CAMTA1: variants seen among roughly 807,000 people sequenced by gnomAD.
CAMTA1 encodes calmodulin-binding transcription activator 1.
A neutral mutation model predicts 170.9 loss-of-function variants in CAMTA1; 27 were observed. The ratio of observed to expected loss-of-function variants is 0.16; its 90% CI spans 0.12 to 0.22. The LOEUF is 0.22. CAMTA1 is among the 10% of genes least tolerant of loss of function. The pLI, the probability that CAMTA1 is intolerant of heterozygous loss-of-function variation, is 1.00. For missense variants in CAMTA1, 1,619 were observed against 2,217.2 expected (o/e 0.73, Z 5.42); for synonymous variants, 833 against 891.5 (o/e 0.93, Z 1.17).
At chr1:7,128,714 G>T (rs1003517504) in intron 4 of CAMTA1, among the ~76,000 whole-genome samples, 4 of 151,800 alleles carry the variant, frequency 2.6e-5, no homozygotes, top group African/African-American at 9.7e-5. Context: ...GAGTGCAGTG[G>T]CACGATCTCA....
chr1:6,928,055 TCTC>T (rs1407930803), intron 3 of CAMTA1, among the ~76,000 whole-genome samples: 2 of 152,074 alleles, frequency 1.3e-5, no homozygotes, highest in Non-Finnish European at 2.9e-5. Flanking sequence ...TGCATCCTGT[TCTC>T]CTCCTGCCTG....
intron 4 of CAMTA1, among the ~76,000 whole-genome samples, chr1:7,103,272 A>G (rs921257672): frequency 1.3e-5 from 2 of 151,996 alleles, no homozygotes; most frequent in East Asian, 1.9e-4. Context: ...TCACATGCCA[A>G]TGTAGATTCC....
intron 11 of CAMTA1, among the ~76,000 whole-genome samples, chr1:7,691,776 A>G (rs924009395): frequency 1.3e-5 from 2 of 152,156 alleles, no homozygotes; most frequent in Admixed American, 1.3e-4. Flanking sequence ...GAAGTCTGAA[A>G]TGTCTGCGTG....
intron 11 of CAMTA1, chr1:7,700,565 C>T (rs2096428588): frequency 6.6e-6 from 1 of 152,168 alleles, no homozygotes. Flanking sequence ...ACTACAATTG[C>T]TAGGGAGGGC....
intron 5 of CAMTA1, among the ~76,000 whole-genome samples, chr1:7,332,534 C>T (rs2301462): frequency 0.51 from 77,220 of 152,096 alleles, 21,429 homozygotes; most frequent in African/African-American, 0.74. Flanking sequence ...TGTCTATTCA[C>T]GGGACTGTAT....
At chr1:7,111,888 A>G in intron 4 of CAMTA1, among the ~76,000 whole-genome samples, 1 of 133,276 alleles carries the variant, frequency 7.5e-6, no homozygotes, top group Non-Finnish European at 1.6e-5. Context: ...CCATCTCCAA[A>G]AAAAAAAAAA....
intron 6 of CAMTA1, among the ~76,000 whole-genome samples, chr1:7,564,193 C>T (rs1233404153): frequency 6.6e-6 from 1 of 152,224 alleles, no homozygotes; most frequent in East Asian, 1.9e-4. Flanking sequence ...CCCAGACCCT[C>T]TATTTCCGGC....
At chr1:7,512,777 A>T (rs926000743) in intron 6 of CAMTA1, among the ~76,000 whole-genome samples, 3 of 152,230 alleles carry the variant, frequency 2.0e-5, no homozygotes, top group African/African-American at 7.2e-5. Flanking sequence ...CAGCAGGACA[A>T]GCCCCTGAGA....
chr1:7,158,625 A>G (rs1339335412), intron 4 of CAMTA1, among the ~76,000 whole-genome samples: 1 of 152,214 alleles, frequency 6.6e-6, no homozygotes, highest in Non-Finnish European at 1.5e-5. Flanking sequence ...TGGATCGATG[A>G]ATGCACAAAA....
At chr1:7,343,831 C>T (rs1470651625) in intron 5 of CAMTA1, among the ~76,000 whole-genome samples, 1 of 152,148 alleles carries the variant, frequency 6.6e-6, no homozygotes, top group Non-Finnish European at 1.5e-5. Context: ...TGAAATTTAA[C>T]ATTGTGTCTC....
At chr1:6,920,396 C>A (rs1056581582) in intron 3 of CAMTA1, among the ~76,000 whole-genome samples, 2 of 152,206 alleles carry the variant, frequency 1.3e-5, no homozygotes, top group African/African-American at 4.8e-5. Context: ...TTGTAGGGTA[C>A]AGCCTCCCTC....
intron 3 of CAMTA1, among the ~76,000 whole-genome samples, chr1:7,019,588 G>A (rs2100925161): frequency 6.6e-6 from 1 of 152,322 alleles, no homozygotes; most frequent in African/African-American, 2.4e-5. Context: ...GTGGTTCACT[G>A]CCAGAAATGC....
rs1313677048 is a variant in CAMTA1 at position 7,635,133 on chromosome 1, G to A, written c.511-5267G>A. 6.6e-6 allele frequency among the ~76,000 whole-genome samples: 1 copy of A among 152,166 alleles called. No individual in the cohort carries two copies. Among genetic ancestry groups the A allele is most frequent in the African/African-American group, 2.4e-5 (1 of 41,432 alleles). On this transcript the variant is annotated intron_variant, in intron 6 of 22. Coordinates refer to ENST00000303635, the MANE Select transcript of CAMTA1 (RefSeq NM_015215.4). The surrounding 1 kb of genome is among the most constrained non-coding windows in gnomAD (Gnocchi z 4.4). ...GCAAGGGCTCATCTCCAAAGGTCAC[G>A]ATCACTTTGGGGGGTGACCCCTAGC...
At chr1:6,888,633 C>G (rs918797680) in intron 3 of CAMTA1, among the ~76,000 whole-genome samples, 1 of 152,122 alleles carries the variant, frequency 6.6e-6, no homozygotes, top group African/African-American at 2.4e-5. Context: ...TTTTCTAGAT[C>G]AAGTAGGCAT....
chr1:7,709,603 G>A (rs2096553714), intron 11 of CAMTA1, among the ~76,000 whole-genome samples: 1 of 152,234 alleles, frequency 6.6e-6, no homozygotes, highest in Non-Finnish European at 1.5e-5. Context: ...TGTAAAATAG[G>A]CCTGACACCT....
At chr1:6,802,740 C>CT (rs575213311) in intron 1 of CAMTA1, among the ~76,000 whole-genome samples, 5,840 of 145,402 alleles carry the variant, frequency 0.04, 141 homozygotes, top group African/African-American at 0.067. Context: ...CTCTCTCTCT[C>CT]TTTTTTTTTT....
intron 17 of CAMTA1, 36 bp downstream of exon 17, chr1:7,745,058 A>T (rs2096847334): frequency 6.4e-7 from 1 of 1,558,128 alleles, no homozygotes; most frequent in East Asian, 2.3e-5. Flanking sequence ...CCCAGCATAG[A>T]TTCCCGGATG....
chr1:7,220,840 T>G (rs1660622096), intron 4 of CAMTA1, among the ~76,000 whole-genome samples: 1 of 152,202 alleles, frequency 6.6e-6, no homozygotes, highest in Non-Finnish European at 1.5e-5. Context: ...CACGAGTGCC[T>G]GGACATGGAG....
intron 5 of CAMTA1, among the ~76,000 whole-genome samples, chr1:7,348,717 G>A (rs1193372351): frequency 6.6e-6 from 1 of 152,176 alleles, no homozygotes; most frequent in South Asian, 2.1e-4. Flanking sequence ...GGGGGTGTTC[G>A]GCTTCAATCC....
Sources: gnomAD v4.1 joint callset for allele counts (sites outside exome capture counted in the v4.1 genomes callset) on GRCh38, gnomAD v4.1.1 for gene constraint, Gnocchi (gnomAD v3.1) non-coding constraint, MANE v1.5 for transcripts, NCBI Gene and HGNC (gene_info 2026-07-23, HGNC 2026-07-21) for gene names.